COL4A1: variants seen among roughly 807,000 people sequenced by gnomAD.
COL4A1 encodes the protein collagen alpha-1(IV) chain.
A neutral mutation model predicts 216.6 loss-of-function variants in COL4A1; 40 were observed. The ratio of observed to expected loss-of-function variants is 0.18; its 90% CI spans 0.14 to 0.24. The LOEUF (loss-of-function observed/expected upper bound fraction) is 0.24. Ranked by LOEUF, COL4A1 falls within the 10% of genes least tolerant of loss-of-function variation. The pLI, the probability that COL4A1 is intolerant of heterozygous loss-of-function variation, is 1.00. For synonymous variants in COL4A1, 839 were observed against 810.7 expected (o/e 1.03, Z -0.59); for missense variants, 1,628 against 2,196.8 (o/e 0.74, Z 5.18).
At chr13:110,154,118 G>A (rs1876649876) in intron 50 of COL4A1, among the ~76,000 whole-genome samples, 1 of 152,228 alleles carries the variant, frequency 6.6e-6, no homozygotes, top group Non-Finnish European at 1.5e-5. Context: ...TGGGTCAAAT[G>A]TACAACTTGC....
At chr13:110,186,204 T>C (rs1364650274) in intron 26 of COL4A1, among the ~76,000 whole-genome samples, 181 bp downstream of exon 26, 1 of 152,192 alleles carries the variant, frequency 6.6e-6, no homozygotes, top group Admixed American at 6.5e-5. Context: ...ATCACATACA[T>C]GAGGAAAGGG....
At chr13:110,170,469 A>T in intron 42 of COL4A1, 78 bp downstream of exon 42, 1 of 1,450,668 alleles carries the variant, frequency 6.9e-7, no homozygotes, top group South Asian at 1.2e-5. Flanking sequence ...TTGAGAATTT[A>T]ACTATTTCTT....
At chr13:110,259,962 C>T (rs1882747983) in intron 1 of COL4A1, among the ~76,000 whole-genome samples, 2 of 152,126 alleles carry the variant, frequency 1.3e-5, no homozygotes, top group African/African-American at 2.4e-5. Context: ...GCTGCATCCC[C>T]GTTACTCTGA....
At chr13:110,229,259 T>C (rs1156637350) in intron 2 of COL4A1, among the ~76,000 whole-genome samples, 1 of 152,230 alleles carries the variant, frequency 6.6e-6, no homozygotes, top group Non-Finnish European at 1.5e-5. Context: ...GCTTTTGCTC[T>C]AGAAAGGCCA....
intron 17 of COL4A1, among the ~76,000 whole-genome samples, chr13:110,205,145 A>G (rs1349267970): frequency 6.6e-6 from 1 of 152,252 alleles, no homozygotes; most frequent in Admixed American, 6.5e-5. Flanking sequence ...AGATATAAAA[A>G]TTTGAATGAA....
chr13:110,204,582 G>A (rs966722463), intron 17 of COL4A1, among the ~76,000 whole-genome samples: 1 of 140,222 alleles, frequency 7.1e-6, no homozygotes, highest in African/African-American at 2.5e-5. Context: ...CTCATATTAA[G>A]AGAGAAAAAT....
chr13:110,268,104 T>C lies in COL4A1; in HGVS notation c.85-25370A>G, dbSNP rs1883110526. ...ACTCCAGGAGGAAAGTTTGACAGAC[T>C]GCTGTTAAGCACCTACAGTATACAA... On this transcript the variant is annotated intron_variant, in intron 1 of 51. Transcript: ENST00000375820. This position sits in a 1 kb window ranked among gnomAD's most constrained non-coding sequence, Gnocchi z 4.1. Among the ~76,000 whole-genome samples the C allele has an allele frequency of 6.6e-6, 1 of 152,194 alleles. No individual in the cohort carries two copies. The highest frequency in any genetic ancestry group is 1.5e-5 in the Non-Finnish European group (1 of 68,038).
chr13:110,203,648 TA>T lies in COL4A1; in HGVS notation c.958-42del, dbSNP rs371161272. ...TAACTTTCCTTGCATATTCTTACTATAAAGATTGTCTTGCAGAAAGCAGATT... is the reference window on the plus strand; with the variant it reads ...TAACTTTCCTTGCATATTCTTACTATAAGATTGTCTTGCAGAAAGCAGATT... On this transcript the variant is annotated intron_variant, in intron 17 of 51. Coordinates refer to ENST00000375820, the MANE Select transcript of COL4A1 (RefSeq NM_001845.6). The T allele has an allele frequency of 6.1e-3, 9,811 of 1,606,022 alleles. 39 individuals carry two copies. Among genetic ancestry groups the T allele is most frequent in the Non-Finnish European group, 7.2e-3 (8,492 of 1,172,542 alleles).
At chr13:110,234,523 A>G (rs1881213923) in intron 2 of COL4A1, among the ~76,000 whole-genome samples, 1 of 152,134 alleles carries the variant, frequency 6.6e-6, no homozygotes, top group Non-Finnish European at 1.5e-5. Flanking sequence ...TGGAGGTTGC[A>G]GTGAGCCGAG....
In COL4A1 at chr13:110,206,863, A is replaced by G; in HGVS notation, c.807+2T>C. 6.2e-7 allele frequency: 1 copy of G among 1,614,050 alleles called. No individual in the cohort carries two copies. The highest frequency in any genetic ancestry group is 1.3e-5 in the African/African-American group (1 of 74,998). On this transcript the variant is annotated splice_donor_variant, in intron 14 of 51. Transcript: ENST00000375820. LOFTEE classifies it high-confidence loss of function. ...AATGATAGGCAGAAACTGAGTACTG[A>G]CCTGAAATCCAGGTTCACCTTTTTG...
At chr13:110,289,037 CA>C (rs200891357) in intron 1 of COL4A1, among the ~76,000 whole-genome samples, 13 of 148,746 alleles carry the variant, frequency 8.7e-5, no homozygotes, top group African/African-American at 9.8e-5. Context: ...GACCCCATCT[CA>C]AAAAAAAAAG....
chr13:110,244,482 C>A (rs929686727), intron 1 of COL4A1, among the ~76,000 whole-genome samples: 1 of 152,198 alleles, frequency 6.6e-6, no homozygotes, highest in South Asian at 2.1e-4. Flanking sequence ...GGTGACCACT[C>A]AGAGGCATCC....
intron 2 of COL4A1, among the ~76,000 whole-genome samples, chr13:110,233,908 T>C (rs1881180705): frequency 6.6e-6 from 1 of 152,212 alleles, no homozygotes; most frequent in Non-Finnish European, 1.5e-5. Context: ...TCCATTTCTC[T>C]GGGTTTCCAG....
At chr13:110,181,517 GC>G in intron 28 of COL4A1, 128 bp from the exon 29 acceptor site, 2 of 977,782 alleles carry the variant, frequency 2.0e-6, no homozygotes, top group Non-Finnish European at 3.2e-6. Flanking sequence ...AACTGTGGAG[GC>G]CTTCCGAGGT....
In COL4A1 at chr13:110,277,296, A is replaced by G. The variant is rs114690246; in HGVS notation, c.84+29648T>C. ...ATTTCTGTGAAATATCACATGGCAA[A>G]CATGTCATTTAAAAACTGGCTGCTG... On this transcript the variant is annotated intron_variant, in intron 1 of 51. Transcript: ENST00000375820. Among the ~76,000 whole-genome samples the G allele has an allele frequency of 5.1e-3, 783 of 152,316 alleles. 7 individuals carry two copies. The highest frequency in any genetic ancestry group is 0.018 in the African/African-American group (742 of 41,566).
chr13:110,165,800 C>A (rs1362658040), intron 45 of COL4A1, among the ~76,000 whole-genome samples: 1 of 152,192 alleles, frequency 6.6e-6, no homozygotes, highest in Non-Finnish European at 1.5e-5. Context: ...ATGCTGTAGG[C>A]TCCCACCGGT....
intron 12 of COL4A1, among the ~76,000 whole-genome samples, chr13:110,208,509 AT>A (rs1279728014): frequency 6.6e-6 from 1 of 152,130 alleles, no homozygotes; most frequent in Non-Finnish European, 1.5e-5. Context: ...AGGGTTACTC[AT>A]CTAATGGTCA....
At position 110,237,369 on chromosome 13, in the gene COL4A1, G is replaced by C. The variant is rs116964305; in HGVS notation, c.144+5306C>G. 1.0e-3 allele frequency among the ~76,000 whole-genome samples: 159 copies of C among 152,260 alleles called. 2 individuals carry two copies. The East Asian group carries it at 0.027, about 26-fold the overall frequency. ...GGTTAGTTCAGCGGTATTCCATCCAGGGTGAGTCTGCACCCCCCACCCCCC... is the reference window on the plus strand; with the variant it reads ...GGTTAGTTCAGCGGTATTCCATCCACGGTGAGTCTGCACCCCCCACCCCCC... On this transcript the variant is annotated intron_variant, in intron 2 of 51. Transcript: ENST00000375820.
chr13:110,219,655 T>C (rs1419487614), intron 2 of COL4A1, among the ~76,000 whole-genome samples: 1 of 102,894 alleles, frequency 9.7e-6, no homozygotes, highest in Non-Finnish European at 1.9e-5. Flanking sequence ...AAAATATATA[T>C]ATATATGTAT....
Sources: gnomAD v4.1 joint callset for allele counts (sites outside exome capture counted in the v4.1 genomes callset) on GRCh38, gnomAD v4.1.1 for gene constraint, Gnocchi (gnomAD v3.1) non-coding constraint, MANE v1.5 for transcripts, NCBI Gene and HGNC (gene_info 2026-07-23, HGNC 2026-07-21) for gene names.